Variants in TRAPPC3L observed in about 807,000 individuals in gnomAD.
TRAPPC3L encodes the protein trafficking protein particle complex subunit 3-like protein.
TRAPPC3L carries 23 observed loss-of-function variants against 23.7 expected under a neutral mutation model. The ratio of observed to expected loss-of-function variants is 0.97; its 90% CI spans 0.70 to 1.37. TRAPPC3L has a LOEUF of 1.37. Among genes scored for constraint, TRAPPC3L ranks in the 40% most tolerant of loss-of-function variants. TRAPPC3L has a pLI of 0.00. For missense variants in TRAPPC3L, 212 were observed against 216.8 expected, an observed-to-expected ratio of 0.98 and a Z score of 0.14; for synonymous variants, 81 against 77.9, an observed-to-expected ratio of 1.04 and a Z score of -0.21.
intron 3 of TRAPPC3L, among the ~76,000 whole-genome samples, chr6:116,503,299 G>A (rs1416575908): frequency 6.6e-6 from 1 of 152,072 alleles, no homozygotes; most frequent in Non-Finnish European, 1.5e-5. Flanking sequence ...TAATGGTAAA[G>A]GGATCAATTC....
intron 2 of TRAPPC3L, among the ~76,000 whole-genome samples, chr6:116,540,833 T>C (rs530787780): frequency 6.6e-6 from 1 of 152,288 alleles, no homozygotes; most frequent in South Asian, 2.1e-4. Context: ...AGATCCTAGC[T>C]AAAGCGTCTG....
chr6:116,540,442 C>T lies in TRAPPC3L; in HGVS notation c.161G>A (p.Arg54Gln), dbSNP rs1257767421. The T allele has an allele frequency of 9.7e-6, 15 of 1,551,304 alleles. No individual in the cohort carries two copies. The highest frequency in any genetic ancestry group is 1.2e-5 in the South Asian group (1 of 84,052). Residue 54 changes from arginine to glutamine, a missense_variant, in exon 3 of 5, where the codon CGG becomes CAG. Arg to Gln is a conservative substitution (Grantham distance 43, BLOSUM62 1). Transcript: ENST00000368602. Reference sequence around the variant, plus strand: ...TCGAGCCAAAAAGTCTTCCACAAGCCGCGTTCCAATGCCGTAACCCCTGTG... The same window carrying T: ...TCGAGCCAAAAAGTCTTCCACAAGCTGCGTTCCAATGCCGTAACCCCTGTG... ...LDKMGYGIGT[R>Q]LVEDFLARSC...
At chr6:116,500,941 T>C (rs1430369217) in intron 3 of TRAPPC3L, among the ~76,000 whole-genome samples, 1 of 152,204 alleles carries the variant, frequency 6.6e-6, no homozygotes, top group Non-Finnish European at 1.5e-5. Context: ...GATGGGTAAT[T>C]TCTGCATTTC....
chr6:116,513,387 T>C (rs1402915483), intron 3 of TRAPPC3L, among the ~76,000 whole-genome samples: 1 of 152,200 alleles, frequency 6.6e-6, no homozygotes, highest in African/African-American at 2.4e-5. Context: ...GTGTCTTTTA[T>C]TGAAGAAGGG....
intron 3 of TRAPPC3L, chr6:116,518,626 A>G (rs1397396808): frequency 6.6e-6 from 1 of 152,202 alleles, no homozygotes; most frequent in Non-Finnish European, 1.5e-5. Flanking sequence ...AAAAAGACAT[A>G]TAGGAACTGG....
chr6:116,512,147 G>A, intron 3 of TRAPPC3L: 1 of 1,613,540 alleles, frequency 6.2e-7, no homozygotes, highest in Non-Finnish European at 8.5e-7. Context: ...AGAGTGCTGG[G>A]AAGAACTTCA....
chr6:116,515,943 A>T, intron 3 of TRAPPC3L: 1 of 1,612,574 alleles, frequency 6.2e-7, no homozygotes, highest in Non-Finnish European at 8.5e-7. Flanking sequence ...AGCCCTGAGG[A>T]TGATGAGACG....
intron 1 of TRAPPC3L, chr6:116,543,821 C>A: frequency 6.5e-7 from 1 of 1,534,224 alleles, no homozygotes; most frequent in African/African-American, 1.4e-5. Context: ...CTAATGGCCC[C>A]CAGATCTGCC....
chr6:116,513,324 T>C (rs1044864175), intron 3 of TRAPPC3L, among the ~76,000 whole-genome samples: 1 of 152,230 alleles, frequency 6.6e-6, no homozygotes, highest in African/African-American at 2.4e-5. Context: ...AAATCTTTTC[T>C]TTAATGCATA....
chr6:116,510,233 T>C (rs1583268395), intron 3 of TRAPPC3L, among the ~76,000 whole-genome samples: 1 of 152,190 alleles, frequency 6.6e-6, no homozygotes, highest in East Asian at 1.9e-4. Context: ...GGTAGGAATG[T>C]AAATTAGTAC....
At chr6:116,527,781 G>C (rs1352483068) in intron 3 of TRAPPC3L, among the ~76,000 whole-genome samples, 1 of 152,176 alleles carries the variant, frequency 6.6e-6, no homozygotes, top group African/African-American at 2.4e-5. Flanking sequence ...CATGTGCTGG[G>C]ATACCCGGAA....
intron 3 of TRAPPC3L, among the ~76,000 whole-genome samples, chr6:116,533,479 A>G (rs1028047188): frequency 3.9e-5 from 6 of 152,220 alleles, no homozygotes; most frequent in African/African-American, 1.4e-4. Flanking sequence ...CCAGACAGCT[A>G]GAGTTGCACT....
rs115748025 is a variant in TRAPPC3L, at chr6:116,545,502, C to T, written c.13G>A (p.Ala5Thr). 176 of 1,547,800 alleles carry T rather than the reference C, an allele frequency of 1.1e-4. No individual in the cohort carries two copies. In the African/African-American group the frequency reaches 2.1e-3, roughly 18 times the overall value. The part of the protein sequence containing the change: MSRP[A>T]HRRPEYHKIN... ...TTATGGTATTCTGGTCTTCGGTGTG[C>T]AGGGCGAGACATAGTGCTTGATAGA... Residue 5 changes from alanine (A) to threonine (T), a missense_variant, in exon 1 of 5, where the codon GCA (alanine) becomes ACA (threonine). Coordinates refer to ENST00000368602, the MANE Select transcript of TRAPPC3L (RefSeq NM_001139444.3).
intron 3 of TRAPPC3L, chr6:116,523,935 T>C (rs890811497): frequency 1.3e-5 from 2 of 152,214 alleles, no homozygotes; most frequent in African/African-American, 2.4e-5. Context: ...CCAGATATGC[T>C]ATATAGACCT....
chr6:116,513,439 G>A (rs886700689), intron 3 of TRAPPC3L, among the ~76,000 whole-genome samples: 3 of 152,188 alleles, frequency 2.0e-5, no homozygotes, highest in African/African-American at 7.2e-5. Flanking sequence ...GATTTATGGT[G>A]TATGTCCTCA....
intron 4 of TRAPPC3L, among the ~76,000 whole-genome samples, chr6:116,500,095 G>A (rs200236518): frequency 6.6e-6 from 1 of 152,196 alleles, no homozygotes; most frequent in Non-Finnish European, 1.5e-5. Flanking sequence ...AGAGGTCCAT[G>A]TGGCCAGGAA....
chr6:116,503,486 G>C (rs1001031851), intron 3 of TRAPPC3L, among the ~76,000 whole-genome samples: 8 of 152,082 alleles, frequency 5.3e-5, no homozygotes, highest in African/African-American at 1.9e-4. Context: ...AATTAACAAG[G>C]ATATCAAGGA....
At position 116,497,035 on chromosome 6, in the gene TRAPPC3L, T is replaced by C; in HGVS notation, c.465A>G (p.Arg155=). The change falls in exon 5 of 5, where the codon AGA becomes AGG. Residue 155 remains arginine, a synonymous_variant. Coordinates refer to ENST00000368602, the MANE Select transcript of TRAPPC3L (RefSeq NM_001139444.3). ...LAADVTFLQD[R]LKGDSVTEIG... is the part of the protein sequence containing the mutation. ...TTTCTGTCACACTGTCACCTTTTAG[T>C]CTGTCTTGCAAGAATGTAACATCAG... 6.5e-7 allele frequency: 1 copy of C among 1,548,722 alleles called. No individual in the cohort carries two copies. The highest frequency in any genetic ancestry group is 8.7e-7 in the Non-Finnish European group (1 of 1,146,146).
chr6:116,510,222 T>C lies in TRAPPC3L; in HGVS notation c.241-9556A>G, dbSNP rs530267713. Reference sequence around the variant, plus strand: ...TGAAAACAGAATGCTTGTAGAATGCTGGTAGGAATGTAAATTAGTACAACC... The same window carrying C: ...TGAAAACAGAATGCTTGTAGAATGCCGGTAGGAATGTAAATTAGTACAACC... On this transcript the variant is annotated intron_variant, in intron 3 of 4. Transcript: ENST00000368602. Among the ~76,000 whole-genome samples the C allele has an allele frequency of 3.3e-5, 5 of 152,306 alleles. No homozygotes were observed. The East Asian group carries it at 9.6e-4, about 29-fold the overall frequency.
Sources: allele counts gnomAD v4.1 joint callset (sites outside exome capture counted in the v4.1 genomes callset), GRCh38; gene constraint gnomAD v4.1.1; transcripts MANE v1.5; gene names NCBI Gene and HGNC (gene_info 2026-07-23, HGNC 2026-07-21).